The following MMP20 variants were observed in gnomAD, a reference collection of about 807,000 sequenced individuals.
The protein encoded by MMP20 is matrix metalloproteinase-20.
In MMP20, 50 loss-of-function variants were observed where a neutral mutation model predicts 51.8. The observed-to-expected ratio is 0.97, with a 90% confidence interval of 0.77 to 1.22. The LOEUF (loss-of-function observed/expected upper bound fraction) is 1.22. Among genes scored for constraint, MMP20 ranks in the 50% most tolerant of loss-of-function variants. The probability of loss-of-function intolerance (pLI) is 0.00; values close to 1 mark genes in which losing one functional copy is unlikely to be tolerated. For missense variants in MMP20, 663 were observed against 601.4 expected, an observed-to-expected ratio of 1.10 and a Z score of -1.07; for synonymous variants, 244 against 216.2, an observed-to-expected ratio of 1.13 and a Z score of -1.13.
intron 8 of MMP20, among the ~76,000 whole-genome samples, chr11:102,589,849 T>A (rs570355101): frequency 6.6e-6 from 1 of 152,304 alleles, no homozygotes; most frequent in East Asian, 1.9e-4. Flanking sequence ...CTTATTTTTA[T>A]TACTTATTAT....
intron 8 of MMP20, among the ~76,000 whole-genome samples, chr11:102,592,745 G>A (rs1033724067): frequency 3.9e-5 from 6 of 152,210 alleles, no homozygotes; most frequent in Non-Finnish European, 8.8e-5. Flanking sequence ...ACAGAGGAAA[G>A]CTGTGCAGAG....
chr11:102,604,792 C>T (rs2135939233), intron 6 of MMP20, among the ~76,000 whole-genome samples: 1 of 152,192 alleles, frequency 6.6e-6, no homozygotes, highest in Non-Finnish European at 1.5e-5. Flanking sequence ...GAATTAAAAT[C>T]CGTTGACAGG....
At chr11:102,593,998 A>T (rs1240009128) in intron 7 of MMP20, among the ~76,000 whole-genome samples, 3 of 152,200 alleles carry the variant, frequency 2.0e-5, no homozygotes, top group Non-Finnish European at 4.4e-5. Context: ...AAGAACATAT[A>T]AGCTAAAACT....
At chr11:102,594,403 C>T (rs1172662676) in intron 7 of MMP20, among the ~76,000 whole-genome samples, 2 of 152,208 alleles carry the variant, frequency 1.3e-5, no homozygotes, top group African/African-American at 2.4e-5. Context: ...CCTTACTAGC[C>T]TAACAGGCTT....
At chr11:102,598,137 C>A (rs1454690561) in intron 6 of MMP20, among the ~76,000 whole-genome samples, 6 of 152,106 alleles carry the variant, frequency 3.9e-5, no homozygotes, top group African/African-American at 1.4e-4. Flanking sequence ...AAAATGATGT[C>A]TTGTGGCAAT....
chr11:102,577,542 C>T, intron 9 of MMP20, 116 bp from the exon 10 acceptor site: 3 of 760,406 alleles, frequency 3.9e-6, no homozygotes, highest in Non-Finnish European at 6.9e-6. Flanking sequence ...GTGAATTTGT[C>T]AGGTGGCAGT....
At chr11:102,603,921 T>C (rs960930563) in intron 6 of MMP20, among the ~76,000 whole-genome samples, 3 of 152,230 alleles carry the variant, frequency 2.0e-5, no homozygotes, top group African/African-American at 7.2e-5. Context: ...TAGTCTGTTA[T>C]CACCCTCAGT....
intron 2 of MMP20, among the ~76,000 whole-genome samples, chr11:102,615,258 AATAAT>A (rs1451173328): frequency 1.4e-5 from 2 of 147,682 alleles, no homozygotes. Flanking sequence ...ATAAATATGA[AATAAT>A]ATACTTATTT....
At chr11:102,600,403 C>T (rs1859431413) in intron 6 of MMP20, among the ~76,000 whole-genome samples, 1 of 152,216 alleles carries the variant, frequency 6.6e-6, no homozygotes, top group South Asian at 2.1e-4. Flanking sequence ...CAACTATTAT[C>T]TTAACTTCTT....
At chr11:102,585,527 T>A (rs968328339) in intron 8 of MMP20, among the ~76,000 whole-genome samples, 1 of 152,212 alleles carries the variant, frequency 6.6e-6, no homozygotes, top group South Asian at 2.1e-4. Context: ...TTTTTCTATA[T>A]AAAAGATAAT....
chr11:102,593,415 T>C (rs755615025), intron 8 of MMP20, 24 bp downstream of exon 8: 13 of 1,606,168 alleles, frequency 8.1e-6, no homozygotes, highest in Admixed American at 3.4e-5. Context: ...TAAAGATAGA[T>C]AGTAAAAAGG....
At chr11:102,609,506 T>C (rs1859565870) in intron 4 of MMP20, among the ~76,000 whole-genome samples, 1 of 152,226 alleles carries the variant, frequency 6.6e-6, no homozygotes, top group Non-Finnish European at 1.5e-5. Flanking sequence ...GATTTCCAGA[T>C]GACCTGTATG....
At chr11:102,620,841 A>T (rs926217519) in intron 1 of MMP20, among the ~76,000 whole-genome samples, 2 of 152,196 alleles carry the variant, frequency 1.3e-5, no homozygotes, top group African/African-American at 4.8e-5. Context: ...GTTCCAGCCC[A>T]TGCTGAGGTC....
intron 8 of MMP20, among the ~76,000 whole-genome samples, chr11:102,592,492 G>A (rs1654697014): frequency 6.6e-6 from 1 of 152,176 alleles, no homozygotes; most frequent in African/African-American, 2.4e-5. Context: ...AAGAAAATAT[G>A]AATCAGATAG....
At chr11:102,617,165 G>A in intron 1 of MMP20, 106 bp from the exon 2 acceptor site, 2 of 1,353,664 alleles carry the variant, frequency 1.5e-6, no homozygotes, top group Middle Eastern at 1.9e-4. Context: ...GCAGTGTGTA[G>A]AGTATTTTCC....
intron 8 of MMP20, among the ~76,000 whole-genome samples, chr11:102,591,835 C>T (rs1375080633): frequency 6.6e-6 from 1 of 152,210 alleles, no homozygotes; most frequent in Non-Finnish European, 1.5e-5. Context: ...CCTCTGCCCA[C>T]ATCTCTTAAC....
rs894118566 is a variant in MMP20, at chr11:102,594,502, C to A, written c.1090+119G>T. The A allele has an allele frequency of 2.2e-6, 3 of 1,347,176 alleles. No homozygotes were observed. The Admixed American group carries it at 5.9e-5, about 26-fold the overall frequency. 83.5% of individuals were successfully genotyped at this position (1,347,176 alleles called of 1,614,324 possible). A position where few individuals can be genotyped will look rare whatever the true frequency, so the allele number is the denominator to read the frequency against. The stretch of plus-strand genomic sequence containing the variant: ...TGGCATTTCATACCCAACCTGAGGA[C>A]AAAGAGCAACTGAAATGTGCTCCAT... On this transcript the variant is annotated intron_variant, in intron 7 of 9. Transcript: ENST00000260228.
At chr11:102,607,877 C>G (rs1859539761) in intron 5 of MMP20, 1 of 152,090 alleles carries the variant, frequency 6.6e-6, no homozygotes, top group South Asian at 2.1e-4. Context: ...GGCTCTGGAG[C>G]TGAGTTTGTG....
chr11:102,605,490 A>T (rs1859503444), intron 6 of MMP20: 2 of 151,834 alleles, frequency 1.3e-5, no homozygotes, highest in Non-Finnish European at 2.9e-5. Flanking sequence ...AAAGCATACA[A>T]GATAAGGAAC....
Sources: gnomAD v4.1 joint callset for allele counts (sites outside exome capture counted in the v4.1 genomes callset) on GRCh38, gnomAD v4.1.1 for gene constraint, MANE v1.5 for transcripts, NCBI Gene and HGNC (gene_info 2026-07-23, HGNC 2026-07-21) for gene names.